Variants in SNX29 observed in about 807,000 individuals in gnomAD.
SNX29 encodes the protein sorting nexin-29.
Under a neutral mutation model 102.1 loss-of-function variants are expected in SNX29, and 78 were observed. The observed-to-expected ratio is 0.76, with a 90% CI of 0.64 to 0.92. SNX29 has a LOEUF of 0.92. SNX29 is among the 40% of genes least tolerant of loss of function. The probability of loss-of-function intolerance (pLI) is 0.00; values close to 1 mark genes in which losing one functional copy is unlikely to be tolerated. For synonymous variants in SNX29, 580 were observed against 414.5 expected (o/e 1.40, Z -4.85); for missense variants, 1,280 against 1,061.7 (o/e 1.21, Z -2.86).
intron 11 of SNX29, among the ~76,000 whole-genome samples, chr16:12,095,697 T>A (rs116793113): frequency 6.6e-6 from 1 of 152,204 alleles, no homozygotes; most frequent in Non-Finnish European, 1.5e-5. Context: ...TGAATCCCGA[T>A]TGTTGCCTTC....
chr16:12,066,813 C>T (rs1022845499), intron 9 of SNX29, among the ~76,000 whole-genome samples: 1 of 151,478 alleles, frequency 6.6e-6, no homozygotes, highest in Non-Finnish European at 1.5e-5. Flanking sequence ...GATGAATGCC[C>T]GAGGTAGCCA....
At chr16:12,538,986 T>C (rs938779931) in intron 20 of SNX29, among the ~76,000 whole-genome samples, 2 of 152,154 alleles carry the variant, frequency 1.3e-5, no homozygotes, top group African/African-American at 4.8e-5. Flanking sequence ...AGGGAGAAGA[T>C]AGAACAGACC....
chr16:12,568,073 C>T (rs959719374), intron 20 of SNX29, among the ~76,000 whole-genome samples: 7 of 152,176 alleles, frequency 4.6e-5, no homozygotes, highest in South Asian at 2.1e-4. Context: ...ATTAATTCCA[C>T]AGGAAGTCCG....
intron 18 of SNX29, among the ~76,000 whole-genome samples, chr16:12,469,968 G>A (rs1412327687): frequency 2.0e-5 from 3 of 152,210 alleles, no homozygotes; most frequent in South Asian, 2.1e-4. Flanking sequence ...AGCTGAGATC[G>A]CGCCATTGCA....
At chr16:12,091,141 A>C (rs2052522967) in intron 11 of SNX29, among the ~76,000 whole-genome samples, 1 of 152,086 alleles carries the variant, frequency 6.6e-6, no homozygotes, top group African/African-American at 2.4e-5. Context: ...CTAATGCTTA[A>C]TCTTCATAGC....
chr16:12,355,398 G>C (rs554318617), intron 15 of SNX29, among the ~76,000 whole-genome samples: 1 of 152,280 alleles, frequency 6.6e-6, no homozygotes, highest in East Asian at 1.9e-4. Context: ...TTTTCGCACT[G>C]CATACAGTGT....
intron 18 of SNX29, among the ~76,000 whole-genome samples, chr16:12,465,802 T>C (rs1449842429): frequency 1.3e-5 from 2 of 151,912 alleles, no homozygotes; most frequent in Non-Finnish European, 2.9e-5. Flanking sequence ...TTATTTCTTC[T>C]AGTCCATAAA....
intron 13 of SNX29, among the ~76,000 whole-genome samples, chr16:12,149,172 T>C (rs1418155981): frequency 6.6e-6 from 1 of 152,232 alleles, no homozygotes; most frequent in Non-Finnish European, 1.5e-5. Flanking sequence ...TGATTTCATT[T>C]CATGGTCTAA....
chr16:12,539,014 C>G (rs142913301), intron 20 of SNX29, among the ~76,000 whole-genome samples: 1 of 152,296 alleles, frequency 6.6e-6, no homozygotes, highest in East Asian at 1.9e-4. Flanking sequence ...CGAGCCAAAA[C>G]CATCCATGAA....
At chr16:12,556,858 A>ATT (rs923109471) in intron 20 of SNX29, among the ~76,000 whole-genome samples, 1 of 148,782 alleles carries the variant, frequency 6.7e-6, no homozygotes, top group Non-Finnish European at 1.5e-5. Context: ...AAAAAATTGA[A>ATT]TTTTTTTTTT....
chr16:12,441,532 A>G (rs1285913119), intron 18 of SNX29, among the ~76,000 whole-genome samples: 1 of 152,082 alleles, frequency 6.6e-6, no homozygotes, highest in East Asian at 1.9e-4. Context: ...TTCCTATACT[A>G]GTCTCTGTGT....
At chr16:12,561,374 G>A (rs1300453518) in intron 20 of SNX29, among the ~76,000 whole-genome samples, 2 of 152,082 alleles carry the variant, frequency 1.3e-5, no homozygotes, top group African/African-American at 2.4e-5. Flanking sequence ...CTAGGTCGTG[G>A]AAGATGCTGG....
chr16:12,550,418 C>T (rs990902873), intron 20 of SNX29, among the ~76,000 whole-genome samples: 2 of 151,930 alleles, frequency 1.3e-5, no homozygotes, highest in African/African-American at 4.8e-5. Flanking sequence ...GCCTGTACTC[C>T]CACCTACTTG....
At chr16:11,989,815 A>AC (rs1378741719) in intron 1 of SNX29, among the ~76,000 whole-genome samples, 1 of 152,186 alleles carries the variant, frequency 6.6e-6, no homozygotes, top group East Asian at 1.9e-4. Context: ...GTGTAGAGGG[A>AC]CAGCAGTGTG....
At chr16:12,544,208 G>A (rs914435788) in intron 20 of SNX29, among the ~76,000 whole-genome samples, 9 of 152,198 alleles carry the variant, frequency 5.9e-5, no homozygotes, top group African/African-American at 1.4e-4. Flanking sequence ...CTTCAGAACC[G>A]TGACAGCCGG....
At chr16:12,108,022 A>C (rs918130490) in intron 11 of SNX29, among the ~76,000 whole-genome samples, 2 of 152,160 alleles carry the variant, frequency 1.3e-5, no homozygotes, top group Non-Finnish European at 2.9e-5. Context: ...TAGAAAAATA[A>C]GGAGGGGAAA....
chr16:12,253,359 T>C lies in SNX29; in HGVS notation c.1679-24574T>C, dbSNP rs146512158. On this transcript the variant is annotated intron_variant, in intron 14 of 20. Transcript: ENST00000566228. ...GATAAAAATTCCTGCTATGTGGAGT[T>C]GCATTCTAGTTAGGGGGAGACAGAA... is the stretch of plus-strand genomic sequence containing the variant. 2.8e-3 allele frequency among the ~76,000 whole-genome samples: 431 copies of C among 152,332 alleles called. 6 individuals are homozygous for C. The highest frequency in any genetic ancestry group is 9.5e-3 in the African/African-American group (397 of 41,572).
At chr16:12,355,864 AAAAAAAAAAAAAGAG>A (rs1275766399) in intron 15 of SNX29, among the ~76,000 whole-genome samples, 2 of 150,168 alleles carry the variant, frequency 1.3e-5, no homozygotes, top group African/African-American at 2.4e-5. Context: ...AAAAAAAAAA[AAAAAAAAAAAAAGAG>A]AGAGGAAAAA....
intron 13 of SNX29, among the ~76,000 whole-genome samples, chr16:12,180,746 A>C (rs1310655397): frequency 1.3e-5 from 2 of 152,032 alleles, no homozygotes; most frequent in Non-Finnish European, 2.9e-5. Context: ...CGGCCTCCCA[A>C]AGTGCTGGGA....
Sources: allele counts gnomAD v4.1 joint callset (sites outside exome capture counted in the v4.1 genomes callset), GRCh38; gene constraint gnomAD v4.1.1; transcripts MANE v1.5; gene names NCBI Gene and HGNC (gene_info 2026-07-23, HGNC 2026-07-21).